Variants in PPARGC1A observed in about 807,000 individuals in gnomAD.
PPARGC1A encodes peroxisome proliferator-activated receptor gamma coactivator 1-alpha.
PPARGC1A carries 25 observed loss-of-function variants against 88.7 expected under a neutral mutation model. The ratio of observed to expected loss-of-function variants is 0.28; its 90% CI spans 0.21 to 0.39. The LOEUF is 0.39. Among genes scored for constraint, PPARGC1A ranks in the 10% least tolerant of loss-of-function variants. The pLI, the probability that PPARGC1A is intolerant of heterozygous loss-of-function variation, is 1.00. For synonymous variants in PPARGC1A, 363 were observed against 355.6 expected (o/e 1.02, Z -0.24); for missense variants, 880 against 968.7 (o/e 0.91, Z 1.22).
the PPARGC1A span, among the ~76,000 whole-genome samples, chr4:24,471,884 T>C: frequency 6.6e-6 from 1 of 152,206 alleles, no homozygotes. The surrounding 1 kb of genome is among the most constrained non-coding windows in gnomAD (Gnocchi z 5.4). Context: ...GCAGCCATTT[T>C]AGGGAAAGAG....
At chr4:24,231,794 A>G in the PPARGC1A span, among the ~76,000 whole-genome samples, 874 of 152,104 alleles carry the variant, frequency 5.7e-3, 22 homozygotes, top group East Asian at 0.088. Flanking sequence ...CTTGTCAAAT[A>G]TAATAGTGCC....
the PPARGC1A span, among the ~76,000 whole-genome samples, chr4:23,986,236 A>T: frequency 4.1e-4 from 62 of 151,268 alleles, no homozygotes; most frequent in Admixed American, 6.6e-4. Flanking sequence ...AAGGCAGATT[A>T]AAAAAAAAGT....
intron 5 of PPARGC1A, among the ~76,000 whole-genome samples, chr4:23,826,828 T>C (rs147707747): frequency 3.3e-5 from 5 of 152,272 alleles, no homozygotes; most frequent in African/African-American, 1.2e-4. Context: ...GCCTATTTAA[T>C]TCTTCATTGT....
At chr4:24,288,482 T>C in the PPARGC1A span, among the ~76,000 whole-genome samples, 1 of 151,920 alleles carries the variant, frequency 6.6e-6, no homozygotes, top group East Asian at 1.9e-4. Flanking sequence ...AACTATGGAG[T>C]TCAAGATGAA....
chr4:24,237,183 G>A, the PPARGC1A span, among the ~76,000 whole-genome samples: 1 of 151,358 alleles, frequency 6.6e-6, no homozygotes, highest in Non-Finnish European at 1.5e-5. Context: ...CTTGCAGTGG[G>A]AATCTCAGAA....
At chr4:23,889,486 T>C in intron 1 of PPARGC1A, 1 of 488,000 alleles carries the variant, frequency 2.0e-6, no homozygotes, top group Non-Finnish European at 2.7e-6. Flanking sequence ...CGGACTATAT[T>C]TGAACACATC....
chr4:23,982,221 T>C, the PPARGC1A span, among the ~76,000 whole-genome samples: 1 of 147,962 alleles, frequency 6.8e-6, no homozygotes, highest in African/African-American at 2.5e-5. Flanking sequence ...AAAATAATAG[T>C]AGTTTAAACA....
chr4:24,422,528 C>G, the PPARGC1A span, among the ~76,000 whole-genome samples: 1 of 151,904 alleles, frequency 6.6e-6, no homozygotes, highest in African/African-American at 2.4e-5. Context: ...ATAAAATCTG[C>G]TTTTTCCAGT....
At chr4:24,247,210 A>C in the PPARGC1A span, among the ~76,000 whole-genome samples, 1 of 152,122 alleles carries the variant, frequency 6.6e-6, no homozygotes, top group Non-Finnish European at 1.5e-5. Flanking sequence ...CCCCCCAAAA[A>C]GAAAAAAGTC....
At chr4:24,177,393 A>G in the PPARGC1A span, among the ~76,000 whole-genome samples, 1 of 149,066 alleles carries the variant, frequency 6.7e-6, no homozygotes, top group South Asian at 2.1e-4. Flanking sequence ...GCATGTTCTC[A>G]CTCATAGGTG....
chr4:23,901,883 G>T (rs1353033617), upstream of PPARGC1A, among the ~76,000 whole-genome samples: 2 of 151,216 alleles, frequency 1.3e-5, no homozygotes, highest in African/African-American at 4.9e-5. Context: ...ATATTTAAGG[G>T]TTTTTTTTTC....
At chr4:24,338,319 T>A in the PPARGC1A span, among the ~76,000 whole-genome samples, 9 of 152,128 alleles carry the variant, frequency 5.9e-5, no homozygotes, top group Non-Finnish European at 1.3e-4. Context: ...CCTCTTCCAA[T>A]GAAGAAGAAA....
At chr4:23,838,756 G>A (rs1266681855) in intron 2 of PPARGC1A, among the ~76,000 whole-genome samples, 1 of 152,100 alleles carries the variant, frequency 6.6e-6, no homozygotes, top group East Asian at 1.9e-4. Flanking sequence ...TGGGCATACA[G>A]GCTACTTGAA....
chr4:24,144,902 G>T, the PPARGC1A span, among the ~76,000 whole-genome samples: 1 of 149,882 alleles, frequency 6.7e-6, no homozygotes, highest in African/African-American at 2.4e-5. Flanking sequence ...TTTTCACTTT[G>T]CAAGCTCTGT....
At chr4:24,274,521 G>T in the PPARGC1A span, among the ~76,000 whole-genome samples, 3 of 152,244 alleles carry the variant, frequency 2.0e-5, no homozygotes, top group South Asian at 6.2e-4. Flanking sequence ...GCATGGCTGC[G>T]TTCCAATAAA....
At chr4:24,316,858 T>C in the PPARGC1A span, among the ~76,000 whole-genome samples, 1 of 152,220 alleles carries the variant, frequency 6.6e-6, no homozygotes, top group African/African-American at 2.4e-5. Context: ...AGCCACTATG[T>C]CTTGGATAAT....
the PPARGC1A span, among the ~76,000 whole-genome samples, chr4:24,002,091 C>CAGAGAGAGAG: frequency 2.9e-5 from 4 of 137,628 alleles, no homozygotes; most frequent in African/African-American, 1.2e-4. Flanking sequence ...CACACACACA[C>CAGAGAGAGAG]ACACACAGAG....
At chr4:23,905,925 G>T (rs1309635835), upstream of PPARGC1A, among the ~76,000 whole-genome samples, 1 of 152,094 alleles carries the variant, frequency 6.6e-6, no homozygotes, top group East Asian at 1.9e-4. Flanking sequence ...TCACAAATCA[G>T]AAGGGAACCA....
chr4:23,860,953 G>A (rs1459736474), intron 2 of PPARGC1A, among the ~76,000 whole-genome samples: 1 of 152,164 alleles, frequency 6.6e-6, no homozygotes, highest in Admixed American at 6.5e-5. Context: ...ATAATGTCAG[G>A]TAATACCAGT....
Sources: allele counts gnomAD v4.1 joint callset (sites outside exome capture counted in the v4.1 genomes callset), GRCh38; gene constraint gnomAD v4.1.1; non-coding constraint Gnocchi (gnomAD v3.1); transcripts MANE v1.5; gene names NCBI Gene and HGNC (gene_info 2026-07-23, HGNC 2026-07-21).